The following BCL7B variants were observed in gnomAD, a reference collection of about 807,000 sequenced individuals.
The protein encoded by BCL7B is B-cell CLL/lymphoma 7 protein family member B.
Under a neutral mutation model 26.5 loss-of-function variants are expected in BCL7B, and 11 were observed. The observed-to-expected ratio is 0.42, with a 90% CI of 0.26 to 0.69. The LOEUF is 0.69. Ranked by LOEUF, BCL7B falls within the 30% of genes least tolerant of loss-of-function variation. The pLI is 0.28. For missense variants in BCL7B, 215 were observed against 264.4 expected (o/e 0.81, Z 1.30); for synonymous variants, 111 against 107.9 (o/e 1.03, Z -0.18).
At position 73,543,696 on chromosome 7, in the gene BCL7B, G is replaced by C. The variant is rs559608930; in HGVS notation, c.169-52C>G. 67 of 1,434,592 alleles carry C rather than the reference G, an allele frequency of 4.7e-5. No homozygotes were observed. In the South Asian group the frequency reaches 7.4e-4, roughly 16 times the overall value. 88.9% of individuals were successfully genotyped at this position (1,434,592 alleles called of 1,614,324 possible). On this transcript the variant is annotated intron_variant, in intron 2 of 5. Coordinates refer to ENST00000223368, the MANE Select transcript of BCL7B (RefSeq NM_001707.4). Reference sequence around the variant, plus strand: ...GACAGAGCCAAGCAGGAGACTCACAGAGAGGGAGGAGGGTGCTATGTGACA... The same window carrying C: ...GACAGAGCCAAGCAGGAGACTCACACAGAGGGAGGAGGGTGCTATGTGACA...
intron 1 of BCL7B, among the ~76,000 whole-genome samples, chr7:73,556,051 G>C (rs1175336350): frequency 1.3e-5 from 2 of 152,026 alleles, no homozygotes; most frequent in Non-Finnish European, 2.9e-5. Flanking sequence ...TGCTAGGGGC[G>C]GGGGGGTCAA....
At chr7:73,539,706 T>C (rs1414948466) in intron 4 of BCL7B, 176 bp downstream of exon 4, 1 of 718,460 alleles carries the variant, frequency 1.4e-6, no homozygotes, top group Non-Finnish European at 2.2e-6. Flanking sequence ...ATGCTTGTTT[T>C]CTCCCTTCCC....
intron 3 of BCL7B, chr7:73,540,259 A>G (rs1333978252): frequency 1.7e-6 from 1 of 573,850 alleles, no homozygotes; most frequent in Non-Finnish European, 3.1e-6. Context: ...ACACTTTAGG[A>G]AGGTCAGGAT....
At chr7:73,545,602 CT>C (rs1791924938) in intron 2 of BCL7B, among the ~76,000 whole-genome samples, 1 of 152,148 alleles carries the variant, frequency 6.6e-6, no homozygotes, top group Non-Finnish European at 1.5e-5. Flanking sequence ...CCTTTGACCC[CT>C]GTGGGTAATG....
At chr7:73,557,107 G>A in intron 1 of BCL7B, 8 of 993,366 alleles carry the variant, frequency 8.1e-6, no homozygotes, top group Non-Finnish European at 9.6e-6. Flanking sequence ...AGGGCTACTC[G>A]CTATTATCAA....
intron 2 of BCL7B, among the ~76,000 whole-genome samples, chr7:73,548,635 T>C (rs1554583719): frequency 6.7e-6 from 1 of 148,728 alleles, no homozygotes; most frequent in Non-Finnish European, 1.5e-5. Flanking sequence ...ATAATAATAA[T>C]AAAAAAAGGA....
At chr7:73,550,738 A>C (rs1178177453) in intron 2 of BCL7B, among the ~76,000 whole-genome samples, 3 of 151,014 alleles carry the variant, frequency 2.0e-5, no homozygotes, top group Admixed American at 6.6e-5. Context: ...GCTCACTGCA[A>C]GCTCCGCCTC....
intron 2 of BCL7B, among the ~76,000 whole-genome samples, chr7:73,545,989 G>A (rs1381202625): frequency 6.6e-6 from 1 of 152,068 alleles, no homozygotes; most frequent in African/African-American, 2.4e-5. Context: ...AAAATTAGCT[G>A]AGCGTGGTGG....
intron 2 of BCL7B, among the ~76,000 whole-genome samples, chr7:73,544,138 C>G (rs1169007904): frequency 3.3e-5 from 5 of 152,006 alleles, no homozygotes; most frequent in African/African-American, 4.8e-5. Flanking sequence ...ACGACCACCC[C>G]AGCCGGGCGC....
At chr7:73,554,547 C>T (rs1387132556) in intron 1 of BCL7B, among the ~76,000 whole-genome samples, 1 of 151,918 alleles carries the variant, frequency 6.6e-6, no homozygotes, top group Non-Finnish European at 1.5e-5. Flanking sequence ...CCTGCAACCC[C>T]AGCACTTTAG....
intron 2 of BCL7B, among the ~76,000 whole-genome samples, chr7:73,550,050 A>G (rs1554583936): frequency 6.6e-6 from 1 of 152,142 alleles, no homozygotes; most frequent in African/African-American, 2.4e-5. Context: ...TACACTGTAC[A>G]TTTATGTTTT....
chr7:73,547,089 T>C (rs1554583562), intron 2 of BCL7B, among the ~76,000 whole-genome samples: 1 of 150,854 alleles, frequency 6.6e-6, no homozygotes, highest in Non-Finnish European at 1.5e-5. Context: ...TAGGTGGAGG[T>C]TGCGGTGAGC....
chr7:73,551,291 G>GT (rs1188413878), intron 2 of BCL7B, among the ~76,000 whole-genome samples: 6 of 151,870 alleles, frequency 4.0e-5, no homozygotes, highest in South Asian at 4.2e-4. Flanking sequence ...TATGTGTTTG[G>GT]TTTTTTTTGT....
rs1791698101 is a variant in BCL7B at position 73,540,056 on chromosome 7, A to G, written c.266-4T>C. 3 of 1,613,062 alleles carry G rather than the reference A, an allele frequency of 1.9e-6. No homozygotes were observed. The highest frequency in any genetic ancestry group is 2.2e-5 in the South Asian group (2 of 90,898). ...GAACTCTGGTTGCTGTTTTCGTCTG[A>G]AAACCAAACAGAACAAAGGCAGCAG... On this transcript the variant is annotated splice_polypyrimidine_tract_variant and splice_region_variant and intron_variant, in intron 3 of 5. Transcript: ENST00000223368.
intron 2 of BCL7B, 194 bp from the exon 3 acceptor site, chr7:73,543,838 T>G: frequency 1.9e-6 from 1 of 535,840 alleles, no homozygotes; most frequent in South Asian, 2.1e-5. Flanking sequence ...CTCAGAAAAA[T>G]GAACCCTTCC....
At chr7:73,554,223 G>C (rs570588806) in intron 1 of BCL7B, among the ~76,000 whole-genome samples, 1 of 151,596 alleles carries the variant, frequency 6.6e-6, no homozygotes, top group African/African-American at 2.4e-5. Flanking sequence ...TCAGCCTCTC[G>C]AAGTGCTGGG....
chr7:73,554,891 A>C (rs1179787666), intron 1 of BCL7B, among the ~76,000 whole-genome samples: 1 of 152,126 alleles, frequency 6.6e-6, no homozygotes, highest in Non-Finnish European at 1.5e-5. Context: ...AATAACTAAA[A>C]TTAATTCCTG....
At chr7:73,538,835 A>G (rs569196678) in intron 4 of BCL7B, among the ~76,000 whole-genome samples, 1,804 of 151,286 alleles carry the variant, frequency 0.012, 37 homozygotes, top group African/African-American at 0.042. Flanking sequence ...AAAAAAAAAA[A>G]AAAGAAAAGA....
chr7:73,545,469 G>A (rs1231843942), intron 2 of BCL7B, among the ~76,000 whole-genome samples: 1 of 152,106 alleles, frequency 6.6e-6, no homozygotes, highest in African/African-American at 2.4e-5. Context: ...CAATCCGCCC[G>A]CCTCAGCCTC....
Sources: gnomAD v4.1 joint callset for allele counts (sites outside exome capture counted in the v4.1 genomes callset) on GRCh38, gnomAD v4.1.1 for gene constraint, MANE v1.5 for transcripts, NCBI Gene and HGNC (gene_info 2026-07-23, HGNC 2026-07-21) for gene names.